The following GLI4 variants were observed in gnomAD, a reference collection of about 807,000 sequenced individuals.
GLI4 encodes the protein zinc finger protein GLI4.
GLI4 carries 34 observed loss-of-function variants against 30.9 expected under a neutral mutation model. The observed-to-expected ratio is 1.10, with a 90% CI of 0.84 to 1.47. The LOEUF is 1.47. Ranked by LOEUF, GLI4 falls within the 40% of genes most tolerant of loss-of-function variation. GLI4 has a pLI of 0.00. For synonymous variants in GLI4, 277 were observed against 236.7 expected (o/e 1.17, Z -1.56); for missense variants, 696 against 538.9 (o/e 1.29, Z -2.89).
At chr8:143,274,080 C>A (rs999939517) in intron 2 of GLI4, among the ~76,000 whole-genome samples, 1 of 152,174 alleles carries the variant, frequency 6.6e-6, no homozygotes, top group African/African-American at 2.4e-5. Flanking sequence ...GGGTCTTGGT[C>A]CTGGGTGCCC....
chr8:143,275,686 G>T, intron 3 of GLI4: 2 of 1,240,954 alleles, frequency 1.6e-6, no homozygotes, highest in Non-Finnish European at 2.0e-6. Context: ...GGGTCACCCT[G>T]CAACGCCCCC....
At position 143,274,791 on chromosome 8, in the gene GLI4, CCTT is replaced by C; in HGVS notation, c.215_217del (p.Phe72del). 2 of 1,562,308 alleles carry C rather than the reference CCTT, an allele frequency of 1.3e-6. No individual in the cohort carries two copies. Among genetic ancestry groups the C allele is most frequent in the Non-Finnish European group, 1.7e-6 (2 of 1,150,792 alleles). ...GAGGAAGTGGAGATCGGCAGAGACA[CCTT>C]CTGGCCCGGTGAGTGAGCAGAATCG... On this transcript the variant is annotated inframe_deletion, in exon 3 of 4. Coordinates refer to ENST00000340042, the MANE Select transcript of GLI4 (RefSeq NM_138465.4).
In GLI4 at chr8:143,276,240, C is replaced by G. The variant is rs1002189737; in HGVS notation, c.567C>G (p.Gly189=). Residue 189 remains glycine, a synonymous_variant, in exon 4 of 4, where the codon GGC becomes GGG. Coordinates refer to ENST00000340042, the MANE Select transcript of GLI4 (RefSeq NM_138465.4). ...GAKPHRCEAC[G]KSFKYNSLLL... ...AGCCGCACAGGTGCGAGGCCTGCGG[C>G]AAGAGTTTCAAGTATAACTCGCTGC... The G allele has an allele frequency of 1.2e-6, 2 of 1,606,720 alleles. No homozygotes were observed. Among genetic ancestry groups the G allele is most frequent in the Non-Finnish European group, 1.7e-6 (2 of 1,177,122 alleles).
At position 143,276,523 on chromosome 8, in the gene GLI4, C is replaced by G; in HGVS notation, c.850C>G (p.Arg284Gly). Residue 284 changes from arginine (R) to glycine (G), a missense_variant, in exon 4 of 4, where the codon CGC becomes GGC. Physicochemically the swap from Arg to Gly is moderately radical, Grantham distance 125. Transcript: ENST00000340042. ...QAFSQSSNLV[R>G]HQRLHTGEKP... ...CTTCAGCCAGAGCTCCAACCTGGTG[C>G]GCCACCAGCGGCTGCACACGGGTGA... 1 of 1,612,058 alleles carries G rather than the reference C, an allele frequency of 6.2e-7. No homozygotes were observed. The highest frequency in any genetic ancestry group is 8.5e-7 in the Non-Finnish European group (1 of 1,179,646).
intron 2 of GLI4, among the ~76,000 whole-genome samples, chr8:143,273,786 A>G (rs12680177): frequency 0.33 from 50,621 of 152,018 alleles, 9,507 homozygotes; most frequent in African/African-American, 0.51. Context: ...TAAGAGACAC[A>G]CCCGTCCTTG....
chr8:143,267,891 C>T (rs1479795152), intron 1 of GLI4: 3 of 985,300 alleles, frequency 3.0e-6, no homozygotes, highest in African/African-American at 3.5e-5. Context: ...CGATTGGGTC[C>T]GCTCCCACGG....
At chr8:143,267,567 A>C (rs1038419529) in intron 1 of GLI4, 83 bp downstream of exon 1, 3 of 985,312 alleles carry the variant, frequency 3.0e-6, no homozygotes, top group Non-Finnish European at 3.6e-6. Flanking sequence ...TCCGCGGTGC[A>C]GCCCTGCCCA....
chr8:143,275,524 C>T (rs1586729706), intron 3 of GLI4: 3 of 1,263,446 alleles, frequency 2.4e-6, no homozygotes, highest in South Asian at 3.1e-5. Context: ...TTTGAGGCGC[C>T]CTCTGGAGCT....
At position 143,276,609 on chromosome 8, in the gene GLI4, G is replaced by A; in HGVS notation, c.936G>A (p.Glu312=). The part of the protein sequence containing the change: ...KAFIWSSVLI[E]HQRIHTGEKP... ...TCATCTGGAGCTCCGTGCTCATCGAGCACCAGCGCATCCACACTGGCGAGA... is the reference window on the plus strand; with the variant it reads ...TCATCTGGAGCTCCGTGCTCATCGAACACCAGCGCATCCACACTGGCGAGA... The change falls in exon 4 of 4, where the codon GAG becomes GAA. Residue 312 remains glutamate (E), a synonymous_variant. Coordinates refer to ENST00000340042, the MANE Select transcript of GLI4 (RefSeq NM_138465.4). 6.2e-7 allele frequency: 1 copy of A among 1,612,650 alleles called. No homozygotes were observed. Among genetic ancestry groups the A allele is most frequent in the Non-Finnish European group, 8.5e-7 (1 of 1,179,718 alleles).
At position 143,276,820 on chromosome 8, in the gene GLI4, G is replaced by C. The variant is rs1386722256; in HGVS notation, c.*16G>C. 3 of 1,499,746 alleles carry C rather than the reference G, an allele frequency of 2.0e-6. No individual in the cohort carries two copies. 92.9% of individuals were successfully genotyped at this position (1,499,746 alleles called of 1,614,324 possible). A position where few individuals can be genotyped will look rare whatever the true frequency, so the allele number is the denominator to read the frequency against. ...CCGCGAGTAGCCGGGCGGGGGCTCG[G>C]GGCTCGGCCTCCTACCTGCCCCCAA... On this transcript the variant is annotated 3_prime_UTR_variant, in exon 4 of 4. Coordinates refer to ENST00000340042, the MANE Select transcript of GLI4 (RefSeq NM_138465.4).
At chr8:143,268,030 C>T in intron 1 of GLI4, 1 of 985,442 alleles carries the variant, frequency 1.0e-6, no homozygotes, top group Non-Finnish European at 1.2e-6. Flanking sequence ...TGATGGTCGC[C>T]TCTGCTCAGT....
chr8:143,276,002 G>A lies in GLI4; in HGVS notation c.329G>A (p.Arg110Lys). 7.1e-7 allele frequency: 1 copy of A among 1,411,526 alleles called. No homozygotes were observed. The highest frequency in any genetic ancestry group is 9.2e-7 in the Non-Finnish European group (1 of 1,085,004). The allele number at this position is 1,411,526 out of a possible 1,614,324, so 87.4% of individuals were successfully genotyped here. ...AGCCTCCTGAGGAGCCTTCCCCGCA[G>A]GGCCCGGTGCAGCGCCGGCTTCGGG... ...LRSLLRSLPR[R>K]ARCSAGFGPE... Residue 110 changes from arginine (R) to lysine (K), a missense_variant, in exon 4 of 4, where the codon AGG becomes AAG. Physicochemically the swap from Arg to Lys is conservative, Grantham distance 26. Coordinates refer to ENST00000340042, the MANE Select transcript of GLI4 (RefSeq NM_138465.4).
At chr8:143,270,347 G>A (rs988474293) in intron 2 of GLI4, among the ~76,000 whole-genome samples, 5 of 152,234 alleles carry the variant, frequency 3.3e-5, no homozygotes, top group Admixed American at 1.3e-4. Flanking sequence ...CAGAGAGTCC[G>A]GGGGGCTCCC....
intron 2 of GLI4, among the ~76,000 whole-genome samples, chr8:143,273,965 C>G (rs1586728573): frequency 6.8e-6 from 1 of 146,026 alleles, no homozygotes; most frequent in East Asian, 1.9e-4. Flanking sequence ...GAGCTGACCA[C>G]TGGCCTCGGG....
intron 3 of GLI4, chr8:143,275,664 C>T: frequency 8.1e-7 from 1 of 1,241,746 alleles, no homozygotes; most frequent in Non-Finnish European, 1.0e-6. Flanking sequence ...TGTGGATGGT[C>T]CCAGCAGCTC....
At chr8:143,270,911 G>A (rs73378223) in intron 2 of GLI4, among the ~76,000 whole-genome samples, 2,083 of 152,272 alleles carry the variant, frequency 0.014, 43 homozygotes, top group African/African-American at 0.047. Context: ...AGAAACTGAC[G>A]CCCAGGTGGA....
intron 1 of GLI4, 131 bp downstream of exon 1, chr8:143,267,615 G>A: frequency 1.0e-6 from 1 of 985,480 alleles, no homozygotes; most frequent in Non-Finnish European, 1.2e-6. Context: ...CGCTCGCCGT[G>A]ACCTTGGCCT....
intron 3 of GLI4, chr8:143,275,211 C>G: frequency 6.5e-7 from 1 of 1,535,290 alleles, no homozygotes; most frequent in Non-Finnish European, 8.7e-7. Flanking sequence ...TCCCCTCAGC[C>G]TGGTTGGAGC....
intron 2 of GLI4, among the ~76,000 whole-genome samples, chr8:143,274,085 G>A (rs1191438483): frequency 6.6e-6 from 1 of 152,180 alleles, no homozygotes; most frequent in Non-Finnish European, 1.5e-5. Context: ...TTGGTCCTGG[G>A]TGCCCAAGCC....
Sources: allele counts gnomAD v4.1 joint callset (sites outside exome capture counted in the v4.1 genomes callset), GRCh38; gene constraint gnomAD v4.1.1; transcripts MANE v1.5; gene names NCBI Gene and HGNC (gene_info 2026-07-23, HGNC 2026-07-21).